Variants in WWP1 observed in about 807,000 individuals in gnomAD.
The protein encoded by WWP1 is NEDD4-like E3 ubiquitin-protein ligase WWP1.
Under a neutral mutation model 130.6 loss-of-function variants are expected in WWP1, and 49 were observed. The ratio of observed to expected loss-of-function variants is 0.38; its 90% CI spans 0.30 to 0.48. The LOEUF is 0.48. Among genes scored for constraint, WWP1 ranks in the 20% least tolerant of loss-of-function variants. WWP1 has a pLI of 0.99. For missense variants in WWP1, 809 were observed against 1,100.6 expected (o/e 0.74, Z 3.75); for synonymous variants, 332 against 367.8 (o/e 0.90, Z 1.11).
At position 86,357,114 on chromosome 8, in the gene WWP1, ATATTTTCATGAAATATGCAC is replaced by A. The variant is rs1563460784; in HGVS notation, c.-114-11816_-114-11797del. The stretch of plus-strand genomic sequence containing the variant: ...ATTATGGATGGTTTCTGTGTATTTC[ATATTTTCATGAAATATGCAC>A]TATTTTCAGTGAAGTAATTCTAAGC... On this transcript the variant is annotated intron_variant, in intron 1 of 24. Transcript: ENST00000517970. 3.9e-5 allele frequency among the ~76,000 whole-genome samples: 6 copies of A among 152,184 alleles called. No homozygotes were observed. The South Asian group carries it at 1.2e-3, about 31-fold the overall frequency.
intron 5 of WWP1, among the ~76,000 whole-genome samples, chr8:86,394,792 T>C (rs1028303123): frequency 2.0e-5 from 3 of 152,132 alleles, no homozygotes; most frequent in Admixed American, 1.3e-4. Context: ...ATCCAAAATG[T>C]TATAACTCAA....
intron 1 of WWP1, among the ~76,000 whole-genome samples, chr8:86,359,524 A>G (rs59686387): frequency 0.055 from 8,365 of 151,902 alleles, 395 homozygotes; most frequent in African/African-American, 0.12. Flanking sequence ...AGTGTCTCCT[A>G]CTTCACCGAG....
At chr8:86,463,301 TTTTG>T (rs994226974) in intron 24 of WWP1, among the ~76,000 whole-genome samples, 1 of 152,052 alleles carries the variant, frequency 6.6e-6, no homozygotes, top group Non-Finnish European at 1.5e-5. Context: ...TAGTGGGGTT[TTTTG>T]TTTGTTTTTT....
At chr8:86,415,184 C>T (rs1469153848) in intron 9 of WWP1, among the ~76,000 whole-genome samples, 2 of 152,154 alleles carry the variant, frequency 1.3e-5, no homozygotes, top group Non-Finnish European at 2.9e-5. Context: ...CTCAAATATA[C>T]TCAGGTTTTG....
intron 22 of WWP1, among the ~76,000 whole-genome samples, chr8:86,460,665 T>C (rs967270554): frequency 6.6e-6 from 1 of 152,090 alleles, no homozygotes; most frequent in Admixed American, 6.5e-5. Flanking sequence ...GTAAGATGGA[T>C]GTAGTAATAA....
At position 86,466,852 on chromosome 8, in the gene WWP1, C is replaced by A. The variant is rs534097464; in HGVS notation, c.2728C>A (p.Leu910Ile). Reference protein sequence around the residue: ...KSYEQLKEKLLFAIEETEGFG... With the variant: ...KSYEQLKEKLIFAIEETEGFG... ...TTATGAACAACTAAAGGAAAAACTT[C>A]TTTTTGCAATAGAAGAGACAGAGGG... Residue 910 changes from leucine to isoleucine, a missense_variant, in exon 25 of 25, where the codon CTT becomes ATT. This residue lies in a region of WWP1 where 450 missense variants were observed against 674.2 expected (regional missense o/e 0.67). Coordinates refer to ENST00000517970, the MANE Select transcript of WWP1 (RefSeq NM_007013.4). 347 of 1,605,462 alleles carry A rather than the reference C, an allele frequency of 2.2e-4. No individual in the cohort carries two copies. Among genetic ancestry groups the A allele is most frequent in the Non-Finnish European group, 2.5e-4 (295 of 1,177,836 alleles).
At position 86,411,589 on chromosome 8, in the gene WWP1, G is replaced by T. The variant is rs752054790; in HGVS notation, c.776G>T (p.Gly259Val). ...FAPTDNASVT[G>V]TPVVSEENAL... Reference sequence around the variant, plus strand: ...CCAACTGATAATGCGTCTGTCACGGGTACTCCAGTAGTGTCTGAAGAAAAT... The same window carrying T: ...CCAACTGATAATGCGTCTGTCACGGTTACTCCAGTAGTGTCTGAAGAAAAT... The change falls in exon 9 of 25, where the codon GGT (glycine) becomes GTT (valine). Residue 259 changes from glycine to valine, a missense_variant. By Grantham distance (109) the Gly-to-Val change is moderately radical. Coordinates refer to ENST00000517970, the MANE Select transcript of WWP1 (RefSeq NM_007013.4). 3 of 1,614,030 alleles carry T rather than the reference G, an allele frequency of 1.9e-6. No homozygotes were observed. The highest frequency in any genetic ancestry group is 2.5e-6 in the Non-Finnish European group (3 of 1,179,918).
chr8:86,440,638 A>G, intron 17 of WWP1: 1 of 450,514 alleles, frequency 2.2e-6, no homozygotes, highest in Non-Finnish European at 4.4e-6. Context: ...ATATATTAAG[A>G]TCTTCCTTAA....
intron 24 of WWP1, among the ~76,000 whole-genome samples, chr8:86,462,705 A>G (rs1811833052): frequency 6.6e-6 from 1 of 152,214 alleles, no homozygotes; most frequent in African/African-American, 2.4e-5. Context: ...GATTCTTTCA[A>G]GAGGTCAAAA....
intron 12 of WWP1, among the ~76,000 whole-genome samples, chr8:86,431,141 A>C (rs1284112380): frequency 8.5e-6 from 1 of 118,262 alleles, no homozygotes; most frequent in Non-Finnish European, 1.8e-5. Flanking sequence ...TATATTAAAG[A>C]ATTATATATT....
chr8:86,389,584 C>T (rs1306281180), intron 5 of WWP1, among the ~76,000 whole-genome samples: 3 of 152,238 alleles, frequency 2.0e-5, no homozygotes, highest in African/African-American at 7.2e-5. Flanking sequence ...ACAATCTGAT[C>T]TCTCTTTCTT....
chr8:86,361,089 A>G (rs1823566327), intron 1 of WWP1, among the ~76,000 whole-genome samples: 1 of 152,222 alleles, frequency 6.6e-6, no homozygotes. Flanking sequence ...CGTTGGAAAC[A>G]GAGTTACCTT....
chr8:86,411,654 C>G lies in WWP1; in HGVS notation c.841C>G (p.Pro281Ala). 1 of 1,614,098 alleles carries G rather than the reference C, an allele frequency of 6.2e-7. No homozygotes were observed. Among genetic ancestry groups the G allele is most frequent in the Non-Finnish European group, 8.5e-7 (1 of 1,180,022 alleles). The change falls in exon 9 of 25, where the codon CCT (proline) becomes GCT (alanine). Residue 281 changes from proline to alanine, a missense_variant. By Grantham distance (27) the Pro-to-Ala change is conservative. Coordinates refer to ENST00000517970, the MANE Select transcript of WWP1 (RefSeq NM_007013.4). The stretch of plus-strand genomic sequence containing the variant: ...TTGCACTAGTACTACTGTTGAAGAT[C>G]CTCCAGTTCAAGAAATACTGACTTC... ...PNCTSTTVED[P>A]PVQEILTSSE...
chr8:86,460,128 G>A (rs552475673), intron 22 of WWP1, among the ~76,000 whole-genome samples: 8 of 152,218 alleles, frequency 5.3e-5, no homozygotes, highest in African/African-American at 9.6e-5. Flanking sequence ...CATTTATGTC[G>A]TTGAAAATAA....
chr8:86,394,521 A>G (rs1487019174), intron 5 of WWP1, among the ~76,000 whole-genome samples: 2 of 152,326 alleles, frequency 1.3e-5, no homozygotes, highest in Admixed American at 6.5e-5. Flanking sequence ...AAACAAAAAC[A>G]TTCTTTTAGT....
intron 5 of WWP1, among the ~76,000 whole-genome samples, chr8:86,391,230 G>C (rs1411343304): frequency 1.3e-5 from 2 of 152,086 alleles, no homozygotes; most frequent in Admixed American, 6.5e-5. Flanking sequence ...CATCTGTTTT[G>C]TATAAGCCCA....
chr8:86,415,117 G>A (rs981782944), intron 9 of WWP1, among the ~76,000 whole-genome samples: 1 of 152,136 alleles, frequency 6.6e-6, no homozygotes, highest in Non-Finnish European at 1.5e-5. Flanking sequence ...TAACATTTGA[G>A]TGTTATGCCA....
chr8:86,419,885 G>T (rs1809102987), intron 9 of WWP1, among the ~76,000 whole-genome samples: 1 of 152,130 alleles, frequency 6.6e-6, no homozygotes, highest in African/African-American at 2.4e-5. Flanking sequence ...AGATTTCCTA[G>T]AATCAACACG....
Position 86,452,545 on chromosome 8 carries a change from A to G in WWP1, c.2274-14A>G, listed in dbSNP as rs751849768. On this transcript the variant is annotated splice_polypyrimidine_tract_variant and intron_variant, in intron 20 of 24. Transcript: ENST00000517970. ...TATAAATTACCTATTTTTAAATACC[A>G]TCTTTATTTTCAGTTTAATGACAGA... 20 of 1,587,534 alleles carry G rather than the reference A, an allele frequency of 1.3e-5. No homozygotes were observed. Among genetic ancestry groups the G allele is most frequent in the Middle Eastern group, 2.1e-4 (1 of 4,712 alleles).
Sources: gnomAD v4.1 joint callset for allele counts (sites outside exome capture counted in the v4.1 genomes callset) on GRCh38, gnomAD v4.1.1 for gene constraint, gnomAD v4.1.1 regional missense constraint, MANE v1.5 for transcripts, NCBI Gene and HGNC (gene_info 2026-07-23, HGNC 2026-07-21) for gene names.